CACNA2D3: variants seen among roughly 807,000 people sequenced by gnomAD.
The protein encoded by CACNA2D3 is calcium voltage-gated channel auxiliary subunit alpha2delta 3.
Under a neutral mutation model 160.6 loss-of-function variants are expected in CACNA2D3, and 60 were observed. The ratio of observed to expected loss-of-function variants is 0.37; its 90% confidence interval spans 0.30 to 0.46. The LOEUF is 0.46. Among genes scored for constraint, CACNA2D3 ranks in the 20% least tolerant of loss-of-function variants. The probability of loss-of-function intolerance (pLI) is 1.00; values close to 1 mark genes in which losing one functional copy is unlikely to be tolerated. For synonymous variants in CACNA2D3, 558 were observed against 492.9 expected (o/e 1.13, Z -1.75); for missense variants, 1,205 against 1,365.0 (o/e 0.88, Z 1.85).
intron 11 of CACNA2D3, among the ~76,000 whole-genome samples, chr3:54,713,963 T>C (rs1701003937): frequency 6.6e-6 from 1 of 152,176 alleles, no homozygotes; most frequent in African/African-American, 2.4e-5. Context: ...TATGTGATGA[T>C]GGTTTTTGAA....
chr3:54,879,590 T>C (rs1699744311), intron 20 of CACNA2D3, among the ~76,000 whole-genome samples, 179 bp downstream of exon 20: 1 of 152,100 alleles, frequency 6.6e-6, no homozygotes, highest in South Asian at 2.1e-4. Context: ...GGGGGGGAGA[T>C]GGTTCAGGCT....
chr3:54,485,403 C>T (rs1366093199), intron 4 of CACNA2D3, among the ~76,000 whole-genome samples: 3 of 152,144 alleles, frequency 2.0e-5, no homozygotes, highest in African/African-American at 7.2e-5. Flanking sequence ...GTCTTGTAAG[C>T]TGGCTTTCTG....
At chr3:54,141,094 C>CGCGTGCGCGCGCGCACGT (rs1553731353) in intron 2 of CACNA2D3, among the ~76,000 whole-genome samples, 2 of 81,976 alleles carry the variant, frequency 2.4e-5, no homozygotes, top group African/African-American at 7.6e-5. Flanking sequence ...TGTGCGCGCG[C>CGCGTGCGCGCGCGCACGT]GCGCGTGTGT....
chr3:54,638,901 G>C (rs1344373678), intron 10 of CACNA2D3: 6 of 151,930 alleles, frequency 3.9e-5, no homozygotes, highest in Non-Finnish European at 7.4e-5. Context: ...GAGATTTTAA[G>C]TTCTTAAGAA....
intron 31 of CACNA2D3, among the ~76,000 whole-genome samples, chr3:54,993,812 C>A (rs1702791484): frequency 6.6e-6 from 1 of 150,522 alleles, no homozygotes. Flanking sequence ...ACCAGTAGTA[C>A]CTATCTTTCA....
At chr3:54,211,276 A>T (rs906122943) in intron 2 of CACNA2D3, among the ~76,000 whole-genome samples, 7 of 152,114 alleles carry the variant, frequency 4.6e-5, no homozygotes, top group Non-Finnish European at 8.8e-5. Context: ...ATCAAAGCAA[A>T]CACTTCCTTG....
chr3:54,987,099 G>C (rs1702631336), intron 30 of CACNA2D3, among the ~76,000 whole-genome samples: 1 of 152,132 alleles, frequency 6.6e-6, no homozygotes, highest in Non-Finnish European at 1.5e-5. Flanking sequence ...TGGCCATGCT[G>C]TCTCCTCAAG....
At chr3:54,928,795 T>C (rs1701103985) in intron 27 of CACNA2D3, among the ~76,000 whole-genome samples, 1 of 151,842 alleles carries the variant, frequency 6.6e-6, no homozygotes, top group African/African-American at 2.4e-5. Flanking sequence ...TCCCTGATGC[T>C]GAGGTCCTGG....
At chr3:54,456,156 C>G (rs1575464708) in intron 4 of CACNA2D3, among the ~76,000 whole-genome samples, 1 of 152,012 alleles carries the variant, frequency 6.6e-6, no homozygotes, top group East Asian at 1.9e-4. Flanking sequence ...GTCATTTTAA[C>G]AAAGTAATTC....
chr3:54,344,564 CT>C (rs1336742103), intron 3 of CACNA2D3, among the ~76,000 whole-genome samples: 1 of 152,220 alleles, frequency 6.6e-6, no homozygotes. Context: ...CCTCAGGCAA[CT>C]TTTCTCTAGG....
At chr3:54,364,916 A>G (rs746564799) in intron 3 of CACNA2D3, among the ~76,000 whole-genome samples, 30 of 152,336 alleles carry the variant, frequency 2.0e-4, no homozygotes, top group South Asian at 1.0e-3. Context: ...TGTCAGAGAA[A>G]CTCAGATTTC....
At chr3:54,149,885 C>T (rs938689932) in intron 2 of CACNA2D3, among the ~76,000 whole-genome samples, 132 of 36,682 alleles carry the variant, frequency 3.6e-3, no homozygotes, top group African/African-American at 0.014. Context: ...AAGTATCTGT[C>T]TCTCTCTCTC....
chr3:54,321,435 C>T (rs1331551429), intron 3 of CACNA2D3, among the ~76,000 whole-genome samples: 5 of 152,140 alleles, frequency 3.3e-5, no homozygotes, highest in African/African-American at 1.2e-4. Context: ...GTATGTACCA[C>T]CACACCTCGC....
chr3:54,754,045 AGTGCCTC>A (rs1701923381), intron 12 of CACNA2D3, among the ~76,000 whole-genome samples: 1 of 152,204 alleles, frequency 6.6e-6, no homozygotes, highest in South Asian at 2.1e-4. Context: ...GTGCATATTA[AGTGCCTC>A]GTTCAATACT....
chr3:54,356,365 C>G (rs1698649072), intron 3 of CACNA2D3, among the ~76,000 whole-genome samples: 1 of 152,182 alleles, frequency 6.6e-6, no homozygotes, highest in South Asian at 2.1e-4. Flanking sequence ...TTTGCTTTTT[C>G]TCTTTGCTGA....
chr3:54,333,511 G>A (rs1317825657), intron 3 of CACNA2D3, among the ~76,000 whole-genome samples: 1 of 152,078 alleles, frequency 6.6e-6, no homozygotes, highest in African/African-American at 2.4e-5. Flanking sequence ...ATCAGAGGCT[G>A]TGGTGCCCTG....
intron 2 of CACNA2D3, among the ~76,000 whole-genome samples, chr3:54,196,742 G>A (rs1234952886): frequency 6.6e-6 from 1 of 152,204 alleles, no homozygotes; most frequent in Admixed American, 6.5e-5. Flanking sequence ...GCTTTGCCTA[G>A]GTGAATGTCT....
intron 4 of CACNA2D3, among the ~76,000 whole-genome samples, chr3:54,400,130 G>T (rs1699423960): frequency 6.9e-6 from 1 of 144,072 alleles, no homozygotes; most frequent in African/African-American, 2.6e-5. Context: ...CGCTTCCCAG[G>T]TGAGGCAATG....
chr3:54,704,137 G>A lies in CACNA2D3; in HGVS notation c.1168-48462G>A, dbSNP rs1390088744. Among the ~76,000 whole-genome samples, 8 of 152,326 alleles carry A rather than the reference G, an allele frequency of 5.3e-5. No homozygotes were observed. In the East Asian group the frequency reaches 1.4e-3, roughly 26 times the overall value. On this transcript the variant is annotated intron_variant, in intron 11 of 37. Transcript: ENST00000474759. ...GCTCAGTGCTCAGGGCCCAGGCTTT[G>A]AAATGACTCCAGCTGTATTGCCAAT...
Sources: allele counts gnomAD v4.1 joint callset (sites outside exome capture counted in the v4.1 genomes callset), GRCh38; gene constraint gnomAD v4.1.1; transcripts MANE v1.5; gene names NCBI Gene and HGNC (gene_info 2026-07-23, HGNC 2026-07-21).